The following ZBTB7C variants were observed in gnomAD, a reference collection of about 807,000 sequenced individuals.
ZBTB7C encodes the protein zinc finger and BTB domain-containing protein 7C.
In ZBTB7C, 8 loss-of-function variants were observed where a neutral mutation model predicts 25.7. That is an observed-to-expected ratio of 0.31 (90% CI 0.18 to 0.56). ZBTB7C has a LOEUF of 0.56. Ranked by LOEUF, ZBTB7C falls within the 20% of genes least tolerant of loss-of-function variation. The probability of loss-of-function intolerance (pLI) is 0.91; values close to 1 mark genes in which losing one functional copy is unlikely to be tolerated. For synonymous variants in ZBTB7C, 394 were observed against 369.0 expected (o/e 1.07, Z -0.78); for missense variants, 824 against 855.2 (o/e 0.96, Z 0.46).
intron 3 of ZBTB7C, among the ~76,000 whole-genome samples, chr18:48,144,362 T>A (rs916008097): frequency 2.6e-5 from 4 of 152,142 alleles, no homozygotes; most frequent in Non-Finnish European, 2.9e-5. Context: ...TTATTTTTTT[T>A]AGACAGGGTC....
intron 2 of ZBTB7C, among the ~76,000 whole-genome samples, chr18:48,283,954 C>T (rs2044950036): frequency 6.6e-6 from 1 of 151,890 alleles, no homozygotes; most frequent in Non-Finnish European, 1.5e-5. Flanking sequence ...CAAGACCAGC[C>T]TGGGCAACAT....
chr18:48,053,931 G>A (rs2036803555), intron 3 of ZBTB7C, among the ~76,000 whole-genome samples: 1 of 152,270 alleles, frequency 6.6e-6, no homozygotes, highest in South Asian at 2.1e-4. Context: ...ATGTGGGGCA[G>A]GGGAAGGACA....
At chr18:48,384,186 G>C (rs973506107) in intron 1 of ZBTB7C, among the ~76,000 whole-genome samples, 1 of 152,348 alleles carries the variant, frequency 6.6e-6, no homozygotes, top group East Asian at 1.9e-4. Context: ...GCAACGGTCA[G>C]CTTTGGGTTT....
Position 48,167,591 on chromosome 18 carries a change from TGTGTGTGC to T in ZBTB7C, c.-17+18335_-17+18342del, listed in dbSNP as rs1369465083. On this transcript the variant is annotated intron_variant, in intron 3 of 4. Transcript: ENST00000590800. ...GTGTGTGTGTGTGTGTGTGTGTGTG[TGTGTGTGC>T]GCGCGTGCACACGCGCATGCGCCAG... is the stretch of plus-strand genomic sequence containing the variant. 4.0e-5 allele frequency among the ~76,000 whole-genome samples: 6 copies of T among 150,920 alleles called. No homozygotes were observed. The East Asian group carries it at 9.7e-4, about 24-fold the overall frequency.
chr18:48,152,969 G>A (rs1351209545), intron 3 of ZBTB7C, among the ~76,000 whole-genome samples: 1 of 152,264 alleles, frequency 6.6e-6, no homozygotes, highest in Non-Finnish European at 1.5e-5. Flanking sequence ...CAGCTGTTGA[G>A]TGGAACAATG....
intron 1 of ZBTB7C, among the ~76,000 whole-genome samples, chr18:48,352,758 A>T (rs2046893333): frequency 6.6e-6 from 1 of 152,110 alleles, no homozygotes; most frequent in African/African-American, 2.4e-5. Flanking sequence ...TAAGTTCAGG[A>T]CAGAAGAGAT....
chr18:48,256,056 G>A (rs1242309371), intron 2 of ZBTB7C, among the ~76,000 whole-genome samples: 1 of 152,114 alleles, frequency 6.6e-6, no homozygotes, highest in African/African-American at 2.4e-5. Context: ...GTCTCCAGAG[G>A]AAAGGAGAGA....
At chr18:48,328,399 T>C (rs1211531398) in intron 2 of ZBTB7C, among the ~76,000 whole-genome samples, 1 of 152,022 alleles carries the variant, frequency 6.6e-6, no homozygotes, top group Non-Finnish European at 1.5e-5. Context: ...GTATCACAAG[T>C]TCCTTCACTC....
At chr18:48,359,288 T>G (rs1334937406) in intron 1 of ZBTB7C, among the ~76,000 whole-genome samples, 2 of 151,936 alleles carry the variant, frequency 1.3e-5, no homozygotes, top group Non-Finnish European at 2.9e-5. Context: ...CTGTGTCATT[T>G]TTCACCCTAG....
At chr18:48,168,371 C>T (rs539583597) in intron 3 of ZBTB7C, among the ~76,000 whole-genome samples, 1 of 152,270 alleles carries the variant, frequency 6.6e-6, no homozygotes, top group Non-Finnish European at 1.5e-5. Flanking sequence ...ATGAAACAAA[C>T]CCCACAAGTT....
chr18:48,188,086 G>A (rs2042107037), intron 2 of ZBTB7C, among the ~76,000 whole-genome samples: 1 of 152,160 alleles, frequency 6.6e-6, no homozygotes, highest in Admixed American at 6.5e-5. Context: ...CAAGACTTCA[G>A]TCCATCTTCA....
At chr18:48,304,148 A>T (rs946923443) in intron 2 of ZBTB7C, among the ~76,000 whole-genome samples, 4 of 152,174 alleles carry the variant, frequency 2.6e-5, no homozygotes, top group Non-Finnish European at 5.9e-5. Flanking sequence ...CTCTATGTGC[A>T]GGGGCCCCAC....
chr18:48,168,622 G>A (rs1353753441), intron 3 of ZBTB7C, among the ~76,000 whole-genome samples: 1 of 152,202 alleles, frequency 6.6e-6, no homozygotes, highest in African/African-American at 2.4e-5. Flanking sequence ...CTTAGGTGCT[G>A]AAGAAGAAAT....
At chr18:48,291,510 C>T (rs1054537215) in intron 2 of ZBTB7C, among the ~76,000 whole-genome samples, 23 of 152,278 alleles carry the variant, frequency 1.5e-4, no homozygotes, top group South Asian at 4.1e-4. Context: ...CTGAGAGCCA[C>T]GCTCTTGAAA....
chr18:48,405,305 T>C (rs760244152), intron 1 of ZBTB7C, among the ~76,000 whole-genome samples: 31 of 150,928 alleles, frequency 2.1e-4, no homozygotes, highest in Non-Finnish European at 3.1e-4. Context: ...GCAAAGAGCT[T>C]TGAATGCATG....
rs1320652004 is a variant in ZBTB7C at position 48,338,236 on chromosome 18, A to G, written c.-141T>C. On this transcript the variant is annotated 5_prime_UTR_variant, in exon 2 of 5. Transcript: ENST00000590800. Reference sequence around the variant, plus strand: ...GCATTGATTCTTCTTGGATCTCCCCAGCAGTGCAGCCCCAAACGCCCAGGC... The same window carrying G: ...GCATTGATTCTTCTTGGATCTCCCCGGCAGTGCAGCCCCAAACGCCCAGGC... The G allele has an allele frequency of 6.6e-6, 1 of 152,270 alleles. No homozygotes were observed. The highest frequency in any genetic ancestry group is 1.9e-4 in the East Asian group (1 of 5,200). The allele number at this position is 152,270 out of a possible 1,614,324, so 9.4% of individuals were successfully genotyped here.
chr18:48,116,838 G>A (rs183902017), intron 3 of ZBTB7C, among the ~76,000 whole-genome samples: 64 of 152,166 alleles, frequency 4.2e-4, no homozygotes, highest in African/African-American at 1.3e-3. Flanking sequence ...GAAAGCACAG[G>A]GCCTGCATTA....
chr18:48,178,405 G>A (rs1384364026), intron 3 of ZBTB7C, among the ~76,000 whole-genome samples: 7 of 152,218 alleles, frequency 4.6e-5, no homozygotes, highest in Non-Finnish European at 1.0e-4. Flanking sequence ...TCTGCCTGCT[G>A]CTTCTTGTTC....
intron 2 of ZBTB7C, among the ~76,000 whole-genome samples, chr18:48,317,155 C>G (rs1455625057): frequency 6.6e-6 from 1 of 151,102 alleles, no homozygotes; most frequent in African/African-American, 2.4e-5. Context: ...CGCCTGTAAT[C>G]CCAGCTACTC....
Sources: allele counts gnomAD v4.1 joint callset (sites outside exome capture counted in the v4.1 genomes callset), GRCh38; gene constraint gnomAD v4.1.1; transcripts MANE v1.5; gene names NCBI Gene and HGNC (gene_info 2026-07-23, HGNC 2026-07-21).